Variants in LDB2 observed in about 807,000 individuals in gnomAD.
LDB2 encodes LIM domain binding 2, also known as LIM domain-binding protein 2.
LDB2 carries 12 observed loss-of-function variants against 44.3 expected under a neutral mutation model. The ratio of observed to expected loss-of-function variants is 0.27; its 90% confidence interval spans 0.17 to 0.44. The LOEUF (loss-of-function observed/expected upper bound fraction) is 0.44. LDB2 is among the 20% of genes least tolerant of loss of function. The pLI, the probability that LDB2 is intolerant of heterozygous loss-of-function variation, is 1.00. For synonymous variants in LDB2, 164 were observed against 174.8 expected, an observed-to-expected ratio of 0.94 and a Z score of 0.49; for missense variants, 344 against 473.5, an observed-to-expected ratio of 0.73 and a Z score of 2.54.
At chr4:16,603,388 C>T (rs141301284) in intron 2 of LDB2, among the ~76,000 whole-genome samples, 8 of 152,160 alleles carry the variant, frequency 5.3e-5, no homozygotes, top group Non-Finnish European at 7.4e-5. Flanking sequence ...GCACAGAGGG[C>T]GCAGCAAGAG....
rs1182245709 is a variant in LDB2, at chr4:16,825,890, C to A, written c.133-66630G>T. Among the ~76,000 whole-genome samples the A allele has an allele frequency of 2.0e-5, 3 of 151,968 alleles. No individual in the cohort carries two copies. The East Asian group carries it at 5.8e-4, about 29-fold the overall frequency. ...CTAGGAAGCCTTAATACAATTAAAGCACCAAAATATAGTTTATTTATAAAT... is the reference window on the plus strand; with the variant it reads ...CTAGGAAGCCTTAATACAATTAAAGAACCAAAATATAGTTTATTTATAAAT... On this transcript the variant is annotated intron_variant, in intron 1 of 7. Transcript: ENST00000304523.
chr4:16,659,956 A>G (rs1336334252), intron 2 of LDB2, among the ~76,000 whole-genome samples: 2 of 152,120 alleles, frequency 1.3e-5, no homozygotes, highest in African/African-American at 4.8e-5. Flanking sequence ...TTGAAAATGT[A>G]CTATTCATAC....
intron 3 of LDB2, among the ~76,000 whole-genome samples, chr4:16,593,616 C>T (rs1214066676): frequency 5.3e-5 from 8 of 152,114 alleles, no homozygotes; most frequent in East Asian, 3.9e-4. Context: ...TTTTTCATCA[C>T]GGTATGGAAA....
intron 1 of LDB2, among the ~76,000 whole-genome samples, chr4:16,831,914 G>C (rs1052528045): frequency 1.5e-4 from 23 of 152,196 alleles, no homozygotes; most frequent in African/African-American, 5.3e-4. Flanking sequence ...ACCAGGGCTG[G>C]AACTGCCATC....
rs752286095 is a variant in LDB2 at position 16,502,707 on chromosome 4, T to C, written c.1058A>G (p.Asn353Ser). The change falls in exon 8 of 8, where the codon AAC (asparagine) becomes AGC (serine). Residue 353 changes from asparagine (N) to serine (S), a missense_variant. Physicochemically the swap from Asn to Ser is conservative, Grantham distance 46. Coordinates refer to ENST00000304523, the MANE Select transcript of LDB2 (RefSeq NM_001290.5). ...SPALGNNSPW[N>S]SKPPATQETK... ...CTCTTGAGTGGCGGGAGGTTTACTG[T>C]TCCACGGGCTGTTGTTCCCCAGCGC... 3.1e-6 allele frequency: 5 copies of C among 1,613,876 alleles called. No individual in the cohort carries two copies. In the African/African-American group the frequency reaches 6.7e-5, roughly 22 times the overall value.
intron 2 of LDB2, chr4:16,674,467 G>A (rs1412513224): frequency 2.7e-6 from 1 of 374,122 alleles, no homozygotes; most frequent in Non-Finnish European, 5.2e-6. Flanking sequence ...TGGGCTCTAT[G>A]TGGCCTATAG....
At chr4:16,813,123 C>G (rs1320772449) in intron 1 of LDB2, among the ~76,000 whole-genome samples, 1 of 152,166 alleles carries the variant, frequency 6.6e-6, no homozygotes, top group South Asian at 2.1e-4. Context: ...CTCAACCTCC[C>G]TAGTAGCTGG....
intron 1 of LDB2, among the ~76,000 whole-genome samples, chr4:16,809,839 T>C (rs1779486906): frequency 6.6e-6 from 1 of 152,220 alleles, no homozygotes; most frequent in African/African-American, 2.4e-5. Flanking sequence ...TCAATGCATG[T>C]TGTCGAGTGG....
At chr4:16,548,867 G>T (rs1262560786) in intron 5 of LDB2, among the ~76,000 whole-genome samples, 2 of 152,204 alleles carry the variant, frequency 1.3e-5, no homozygotes, top group Non-Finnish European at 2.9e-5. Context: ...TGTGCTAGTG[G>T]CAGAGATGTG....
chr4:16,818,384 G>A (rs1032896721), intron 1 of LDB2, among the ~76,000 whole-genome samples: 4 of 152,172 alleles, frequency 2.6e-5, no homozygotes, highest in African/African-American at 9.7e-5. Flanking sequence ...AGGGGAAATG[G>A]ACCACATTCT....
At chr4:16,795,791 G>A (rs901534410) in intron 1 of LDB2, among the ~76,000 whole-genome samples, 4 of 152,074 alleles carry the variant, frequency 2.6e-5, no homozygotes, top group Non-Finnish European at 2.9e-5. Flanking sequence ...ATAGATAGTC[G>A]CTAAACGGTA....
At chr4:16,545,659 C>A (rs887981450) in intron 5 of LDB2, among the ~76,000 whole-genome samples, 1 of 152,168 alleles carries the variant, frequency 6.6e-6, no homozygotes, top group Non-Finnish European at 1.5e-5. Flanking sequence ...AAAATTCATG[C>A]AACTTTTTTT....
chr4:16,643,014 T>G (rs1385718438), intron 2 of LDB2, among the ~76,000 whole-genome samples: 1 of 152,228 alleles, frequency 6.6e-6, no homozygotes, highest in Non-Finnish European at 1.5e-5. Context: ...CCTCCATGTA[T>G]GATGCCTGGC....
chr4:16,734,112 T>C (rs529578537), intron 2 of LDB2, among the ~76,000 whole-genome samples: 2 of 152,328 alleles, frequency 1.3e-5, no homozygotes, highest in African/African-American at 4.8e-5. Context: ...TTAAAGTTGT[T>C]GGCTGGATTA....
intron 2 of LDB2, among the ~76,000 whole-genome samples, chr4:16,625,453 T>G (rs536627744): frequency 5.3e-5 from 8 of 152,294 alleles, no homozygotes; most frequent in Admixed American, 2.6e-4. Context: ...GACTGTAAGC[T>G]CTTTGAAGAC....
intron 5 of LDB2, among the ~76,000 whole-genome samples, chr4:16,572,451 G>A (rs1746900929): frequency 1.3e-5 from 2 of 151,970 alleles, no homozygotes; most frequent in Admixed American, 6.5e-5. Flanking sequence ...CTTTAATCTA[G>A]GCCCTATTTG....
chr4:16,727,605 A>C (rs1434781110), intron 2 of LDB2, among the ~76,000 whole-genome samples: 1 of 152,156 alleles, frequency 6.6e-6, no homozygotes, highest in Non-Finnish European at 1.5e-5. Flanking sequence ...AAGAGATGAC[A>C]TTTTGCTTTG....
intron 1 of LDB2, among the ~76,000 whole-genome samples, chr4:16,791,812 T>C (rs545172350): frequency 1.3e-5 from 2 of 152,320 alleles, no homozygotes; most frequent in South Asian, 4.1e-4. Context: ...CCTTCAGGTA[T>C]CATAAAATGT....
chr4:16,616,049 G>A (rs985013864), intron 2 of LDB2, among the ~76,000 whole-genome samples: 4 of 152,150 alleles, frequency 2.6e-5, no homozygotes, highest in East Asian at 1.9e-4. Context: ...TGCCTCAGGC[G>A]AACTCTACCC....
Sources: allele counts gnomAD v4.1 joint callset (sites outside exome capture counted in the v4.1 genomes callset), GRCh38; gene constraint gnomAD v4.1.1; transcripts MANE v1.5; gene names NCBI Gene and HGNC (gene_info 2026-07-23, HGNC 2026-07-21).